SHANK1: variants seen among roughly 807,000 people sequenced by gnomAD.
SHANK1 encodes the protein SH3 and multiple ankyrin repeat domains protein 1.
Under a neutral mutation model 165.6 loss-of-function variants are expected in SHANK1, and 35 were observed. That is an observed-to-expected ratio of 0.21 (90% CI 0.16 to 0.28). SHANK1 has a LOEUF of 0.28. SHANK1 is among the 10% of genes least tolerant of loss of function. The probability of loss-of-function intolerance (pLI) is 1.00; values close to 1 mark genes in which losing one functional copy is unlikely to be tolerated. For synonymous variants in SHANK1, 1,428 were observed against 1,384.8 expected, an observed-to-expected ratio of 1.03 and a Z score of -0.69; for missense variants, 2,681 against 3,036.4, an observed-to-expected ratio of 0.88 and a Z score of 2.75.
At position 50,686,285 on chromosome 19, in the gene SHANK1, GC is replaced by G; in HGVS notation, c.2528del (p.Gly843AlafsTer42). ...GTCGGTGTTTGCCCAGGGACGCGAG[GC>G]CACCGGGACCAGGGCTTTCGCTTGC... ...ISASESPGPG[G>X]LASLGKHRPK... On this transcript the variant is annotated frameshift_variant, in exon 21 of 24. Coordinates refer to ENST00000293441, the MANE Select transcript of SHANK1 (RefSeq NM_016148.5). LOFTEE classifies it high-confidence loss of function. This position sits in a 1 kb window ranked among gnomAD's most constrained non-coding sequence, Gnocchi z 5.7. The G allele has an allele frequency of 6.2e-7, 1 of 1,607,736 alleles. No homozygotes were observed. The highest frequency in any genetic ancestry group is 1.1e-5 in the South Asian group (1 of 90,046).
chr19:50,685,724 A>AAAAT (rs879294621), intron 21 of SHANK1, among the ~76,000 whole-genome samples: 34 of 151,626 alleles, frequency 2.2e-4, no homozygotes, highest in Non-Finnish European at 4.1e-4. Context: ...ACTCAGTCTC[A>AAAAT]AAATAAATAA....
Position 50,667,299 on chromosome 19 carries a change from A to G in SHANK1, c.4661T>C (p.Val1554Ala). 4 of 1,593,332 alleles carry G rather than the reference A, an allele frequency of 2.5e-6. No homozygotes were observed. Among genetic ancestry groups the G allele is most frequent in the Non-Finnish European group, 3.4e-6 (4 of 1,176,562 alleles). The change falls in exon 23 of 24, where the codon GTG becomes GCG. Residue 1554 changes from valine (V) to alanine (A), a missense_variant. This residue lies in a region of SHANK1 where 1,713 missense variants were observed against 1,630.2 expected (regional missense o/e 1.05). Coordinates refer to ENST00000293441, the MANE Select transcript of SHANK1 (RefSeq NM_016148.5). The surrounding 1 kb of genome is among the most constrained non-coding windows in gnomAD (Gnocchi z 5.7). ...AAGGAATTCGCCATCTTCCACATCC[A>G]CCGAGGGGGCGGGAGGCGGCAGGAC... ...LLVLPPPAPS[V>A]DVEDGEFLFV...
chr19:50,700,922 A>G (rs957125151), intron 12 of SHANK1, among the ~76,000 whole-genome samples: 1 of 152,124 alleles, frequency 6.6e-6, no homozygotes, highest in Non-Finnish European at 1.5e-5. Context: ...ACATATGTGC[A>G]TTAAAGCCTC....
Position 50,714,227 on chromosome 19 carries a change from G to A in SHANK1, c.595C>T (p.Leu199=). 1 of 1,614,118 alleles carries A rather than the reference G, an allele frequency of 6.2e-7. No individual in the cohort carries two copies. The highest frequency in any genetic ancestry group is 8.5e-7 in the Non-Finnish European group (1 of 1,180,028). The change falls in exon 5 of 24, where the codon CTG becomes TTG. Residue 199 remains leucine, a synonymous_variant. Transcript: ENST00000293441. The stretch of plus-strand genomic sequence containing the variant: ...TAATTGGGGTCCAGCCCCTTGTCCA[G>A]CAGCCGCGCCACCTTGTCAGATGTC... The part of the protein sequence containing the change: ...LGTSDKVARL[L]DKGLDPNYHD...
At position 50,659,379 on chromosome 19, in the gene SHANK1, A is replaced by G; in HGVS notation, c.*2586T>C. The G allele has an allele frequency of 2.8e-6, 1 of 359,078 alleles. No individual in the cohort carries two copies. Among genetic ancestry groups the G allele is most frequent in the Non-Finnish European group, 5.0e-6 (1 of 201,690 alleles). The allele number at this position is 359,078 out of a possible 1,614,324, so 22.2% of individuals were successfully genotyped here. A position where few individuals can be genotyped will look rare whatever the true frequency, so the allele number is the denominator to read the frequency against. ...TGATGGGGGGTAGGAATGAACCCCC[A>G]TGTTATAATCCCGCGTCCCTAATCT... On this transcript the variant is annotated 3_prime_UTR_variant, in exon 24 of 24. Transcript: ENST00000293441.
Position 50,718,871 on chromosome 19 carries a change from C to T in SHANK1, c.-44+535G>A, listed in dbSNP as rs1450537185. Among the ~76,000 whole-genome samples, 1 of 147,870 alleles carries T rather than the reference C, an allele frequency of 6.8e-6. No individual in the cohort carries two copies. Among genetic ancestry groups the T allele is most frequent in the Non-Finnish European group, 1.5e-5 (1 of 66,748 alleles). On this transcript the variant is annotated intron_variant, in intron 1 of 23. Transcript: ENST00000293441. This position sits in a 1 kb window ranked among gnomAD's most constrained non-coding sequence, Gnocchi z 5.1. ...GGAGCCGAGGGGGCGCGCCGGCCGG[C>T]GGTGTAGGGACTGGAGACCTGGTGG...
At chr19:50,681,614 A>G (rs1426310183) in intron 21 of SHANK1, among the ~76,000 whole-genome samples, 3 of 152,142 alleles carry the variant, frequency 2.0e-5, no homozygotes, top group African/African-American at 7.2e-5. Context: ...CATTTGTTGA[A>G]TTAATGAAAA....
At chr19:50,714,337 G>T (rs1252972163) in intron 4 of SHANK1, 47 bp from the exon 5 acceptor site, 1 of 1,538,998 alleles carries the variant, frequency 6.5e-7, no homozygotes, top group South Asian at 1.1e-5. Flanking sequence ...CAGGAGCAAG[G>T]CAGAGAAGCA....
chr19:50,667,413 G>C lies in SHANK1; in HGVS notation c.4547C>G (p.Pro1516Arg), dbSNP rs1243658794. Residue 1516 changes from proline (P) to arginine (R), a missense_variant, in exon 23 of 24, where the codon CCG becomes CGG. Physicochemically the swap from Pro to Arg is moderately radical, Grantham distance 103. This residue lies in a region of SHANK1 where 1,713 missense variants were observed against 1,630.2 expected (regional missense o/e 1.05). Coordinates refer to ENST00000293441, the MANE Select transcript of SHANK1 (RefSeq NM_016148.5). The surrounding 1 kb of genome is among the most constrained non-coding windows in gnomAD (Gnocchi z 5.7). ...GCGTGGGCTGGGCGGCGGGACCCCC[G>C]GCCCGTCCTCCGAGGGGGGACCCCT... is the stretch of plus-strand genomic sequence containing the variant. The part of the protein sequence containing the change: ...SGRGPPSEDG[P>R]GVPPPSPRRS... 6.6e-7 allele frequency: 1 copy of C among 1,518,172 alleles called. No homozygotes were observed. The highest frequency in any genetic ancestry group is 1.4e-5 in the African/African-American group (1 of 73,118). The allele number at this position is 1,518,172 out of a possible 1,614,324, so 94.0% of individuals were successfully genotyped here. A position where few individuals can be genotyped will look rare whatever the true frequency, so the allele number is the denominator to read the frequency against.
At chr19:50,694,655 T>C (rs1479732049) in intron 15 of SHANK1, among the ~76,000 whole-genome samples, 5 of 69,564 alleles carry the variant, frequency 7.2e-5, no homozygotes, top group African/African-American at 3.0e-4. Context: ...GGCTGACGAG[T>C]GCGTATTAGG....
At chr19:50,675,951 G>A (rs1030681795) in intron 21 of SHANK1, among the ~76,000 whole-genome samples, 31 of 152,136 alleles carry the variant, frequency 2.0e-4, no homozygotes, top group Non-Finnish European at 4.0e-4. Flanking sequence ...AGTCAAGATC[G>A]TGCCACTGCA....
rs1408548982 is a variant in SHANK1 at position 50,702,458 on chromosome 19, C to T, written c.1747+9G>A. The stretch of plus-strand genomic sequence containing the variant: ...AGCCCAGCCCAGGCCCTGCTTCCAC[C>T]CTGGGTACCTTTGATCTTCTCGCCC... On this transcript the variant is annotated intron_variant, in intron 12 of 23. Coordinates refer to ENST00000293441, the MANE Select transcript of SHANK1 (RefSeq NM_016148.5). This position sits in a 1 kb window ranked among gnomAD's most constrained non-coding sequence, Gnocchi z 5.3. 3 of 1,605,942 alleles carry T rather than the reference C, an allele frequency of 1.9e-6. No homozygotes were observed. Among genetic ancestry groups the T allele is most frequent in the African/African-American group, 1.3e-5 (1 of 74,892 alleles).
intron 8 of SHANK1, among the ~76,000 whole-genome samples, chr19:50,707,692 C>A (rs1396999748): frequency 1.3e-5 from 2 of 151,300 alleles, no homozygotes; most frequent in Non-Finnish European, 2.9e-5. Context: ...GCCTTCTGAT[C>A]CTATGGTTCA....
chr19:50,665,737 T>TAAAAAAA (rs71182756), intron 23 of SHANK1, among the ~76,000 whole-genome samples: 7 of 98,164 alleles, frequency 7.1e-5, no homozygotes, highest in Middle Eastern at 6.1e-3. Context: ...ACCCTGTTTC[T>TAAAAAAA]AAAAAAAAAA....
chr19:50,689,094 T>C (rs1986457778), intron 16 of SHANK1, 103 bp downstream of exon 16: 1 of 1,125,350 alleles, frequency 8.9e-7, no homozygotes, highest in African/African-American at 1.5e-5. Flanking sequence ...CGGGGTGGGG[T>C]GGTGGGCGGG....
intron 21 of SHANK1, among the ~76,000 whole-genome samples, chr19:50,682,588 G>A (rs1401824298): frequency 3.3e-5 from 5 of 152,182 alleles, no homozygotes; most frequent in African/African-American, 7.2e-5. Context: ...GTTTCTGGGG[G>A]ATCAGGAACA....
At chr19:50,707,096 T>C (rs1156927732) in intron 8 of SHANK1, among the ~76,000 whole-genome samples, 5 of 152,196 alleles carry the variant, frequency 3.3e-5, no homozygotes, top group Non-Finnish European at 7.3e-5. Context: ...TATTTTTTAG[T>C]ACCACACTGA....
chr19:50,676,769 T>C (rs1376678487), intron 21 of SHANK1, among the ~76,000 whole-genome samples: 3 of 152,178 alleles, frequency 2.0e-5, no homozygotes, highest in Non-Finnish European at 4.4e-5. Context: ...CCAATCTTAT[T>C]TGGCACCTTT....
chr19:50,659,270 C>T lies in SHANK1; in HGVS notation c.*2695G>A. On this transcript the variant is annotated 3_prime_UTR_variant, in exon 24 of 24. Transcript: ENST00000293441. ...CGGGGCCGGCTCGAGGGGGTGGATA[C>T]TGTGAGTTTAATTATAAAGAATGAC... The T allele has an allele frequency of 1.4e-6, 1 of 712,310 alleles. No homozygotes were observed. The highest frequency in any genetic ancestry group is 2.0e-6 in the Non-Finnish European group (1 of 508,702). 44.1% of individuals were successfully genotyped at this position (712,310 alleles called of 1,614,324 possible).
Sources: gnomAD v4.1 joint callset for allele counts (sites outside exome capture counted in the v4.1 genomes callset) on GRCh38, gnomAD v4.1.1 for gene constraint, gnomAD v4.1.1 regional missense constraint, Gnocchi (gnomAD v3.1) non-coding constraint, MANE v1.5 for transcripts, NCBI Gene and HGNC (gene_info 2026-07-23, HGNC 2026-07-21) for gene names.